The following LARP4 variants were observed in gnomAD, a reference collection of about 807,000 sequenced individuals.
LARP4 encodes la-related protein 4.
In LARP4, 29 loss-of-function variants were observed where a neutral mutation model predicts 92.9. That is an observed-to-expected ratio of 0.31 (90% CI 0.23 to 0.43). The LOEUF (loss-of-function observed/expected upper bound fraction) is 0.43. Among genes scored for constraint, LARP4 ranks in the 20% least tolerant of loss-of-function variants. The pLI, the probability that LARP4 is intolerant of heterozygous loss-of-function variation, is 1.00. For synonymous variants in LARP4, 279 were observed against 284.1 expected, an observed-to-expected ratio of 0.98 and a Z score of 0.18; for missense variants, 732 against 860.0, an observed-to-expected ratio of 0.85 and a Z score of 1.86.
chr12:50,401,663 T>A (rs1336000666), intron 1 of LARP4, among the ~76,000 whole-genome samples: 1 of 152,112 alleles, frequency 6.6e-6, no homozygotes, highest in East Asian at 1.9e-4. Flanking sequence ...TAAAAGTTAC[T>A]CAAGCAGCAG....
At position 50,479,423 on chromosome 12, in the gene LARP4, A is replaced by C. The variant is rs1027169360; in HGVS notation, c.*3559A>C. 1 of 152,136 alleles carries C rather than the reference A, an allele frequency of 6.6e-6. No individual in the cohort carries two copies. Among genetic ancestry groups the C allele is most frequent in the Non-Finnish European group, 1.5e-5 (1 of 68,020 alleles). The allele number at this position is 152,136 out of a possible 1,614,324, so 9.4% of individuals were successfully genotyped here. On this transcript the variant is annotated 3_prime_UTR_variant, in exon 16 of 16. Coordinates refer to ENST00000398473, the MANE Select transcript of LARP4 (RefSeq NM_052879.5). ...TTCCTTACAATTTTGGTGGCCATTA[A>C]TTTAACTTTAGGCTTTTGGGCATAT...
At chr12:50,459,308 A>G (rs1954899355) in intron 10 of LARP4, among the ~76,000 whole-genome samples, 1 of 151,904 alleles carries the variant, frequency 6.6e-6, no homozygotes, top group African/African-American at 2.4e-5. Context: ...TGAGGCTAGG[A>G]TTTTAATTAT....
chr12:50,442,049 CA>C (rs1016019436), intron 8 of LARP4, among the ~76,000 whole-genome samples: 2 of 152,114 alleles, frequency 1.3e-5, no homozygotes, highest in African/African-American at 4.8e-5. Context: ...GACCTTGTCT[CA>C]AAAACAACAA....
chr12:50,461,076 A>G (rs984235657), intron 10 of LARP4, 59 bp from the exon 11 acceptor site: 11 of 1,426,066 alleles, frequency 7.7e-6, no homozygotes, highest in Non-Finnish European at 9.9e-6. Context: ...TTACCTAAGG[A>G]AAGATGTTTT....
intron 10 of LARP4, among the ~76,000 whole-genome samples, chr12:50,460,047 A>G (rs1053529199): frequency 6.6e-6 from 1 of 151,976 alleles, no homozygotes; most frequent in Non-Finnish European, 1.5e-5. Flanking sequence ...AGGCAGGAGA[A>G]TCGCTTGCAT....
At chr12:50,424,515 C>T (rs560114175) in intron 1 of LARP4, among the ~76,000 whole-genome samples, 42 of 152,010 alleles carry the variant, frequency 2.8e-4, no homozygotes, top group African/African-American at 7.5e-4. Flanking sequence ...TGTACCACCA[C>T]GCCCAGCTGA....
At chr12:50,429,645 T>G (rs1010998556) in intron 3 of LARP4, among the ~76,000 whole-genome samples, 3 of 152,160 alleles carry the variant, frequency 2.0e-5, no homozygotes, top group Non-Finnish European at 2.9e-5. Flanking sequence ...TTGTTGTTTT[T>G]TTGTTGTTGT....
At chr12:50,438,491 T>TC (rs970242426) in intron 6 of LARP4, among the ~76,000 whole-genome samples, 2 of 59,852 alleles carry the variant, frequency 3.3e-5, no homozygotes, top group Non-Finnish European at 6.8e-5. Context: ...ACTCTTTGTC[T>TC]CAAAAAAAAA....
chr12:50,465,080 T>G (rs1406914170), intron 12 of LARP4, among the ~76,000 whole-genome samples: 2 of 150,348 alleles, frequency 1.3e-5, no homozygotes, highest in African/African-American at 4.9e-5. Context: ...AGGCCCTGCA[T>G]GGTGGCTCAG....
In LARP4 at chr12:50,430,900, G is replaced by A. The variant is rs528515994; in HGVS notation, c.398+330G>A. ...CAGTCTCAAACATGCAACCTCATGT[G>A]ACCTGCCCTCCTCTGCCTTGCAAAG... is the stretch of plus-strand genomic sequence containing the variant. On this transcript the variant is annotated intron_variant, in intron 4 of 15. Transcript: ENST00000398473. Among the ~76,000 whole-genome samples, 38 of 152,178 alleles carry A rather than the reference G, an allele frequency of 2.5e-4. 1 individual carries two copies. In the South Asian group the frequency reaches 7.7e-3, roughly 31 times the overall value.
At chr12:50,435,048 A>C (rs1950216186) in intron 4 of LARP4, among the ~76,000 whole-genome samples, 1 of 152,216 alleles carries the variant, frequency 6.6e-6, no homozygotes, top group Non-Finnish European at 1.5e-5. Flanking sequence ...ACTCTGTCTC[A>C]GGAAAAAAAG....
Position 50,473,477 on chromosome 12 carries a change from T to C in LARP4, c.1608T>C (p.Ser536=). 6.2e-7 allele frequency: 1 copy of C among 1,613,492 alleles called. No homozygotes were observed. The highest frequency in any genetic ancestry group is 1.1e-5 in the South Asian group (1 of 91,074). ...VPADEQTECT[S]AQQLNMSTSS... ...CAGATGAGCAGACAGAATGCACTTC[T>C]GCCCAGCAACTCAATATGAGTACCA... is the stretch of plus-strand genomic sequence containing the variant. The change falls in exon 14 of 16, where the codon TCT becomes TCC. Residue 536 remains serine (S), a synonymous_variant. Transcript: ENST00000398473.
At chr12:50,410,925 T>G (rs1365465420) in intron 1 of LARP4, among the ~76,000 whole-genome samples, 2 of 152,120 alleles carry the variant, frequency 1.3e-5, no homozygotes, top group Non-Finnish European at 2.9e-5. Flanking sequence ...CCACTGGTAC[T>G]AGAGTACCAG....
At chr12:50,439,834 G>A (rs1950946078) in intron 6 of LARP4, among the ~76,000 whole-genome samples, 1 of 151,508 alleles carries the variant, frequency 6.6e-6, no homozygotes, top group Non-Finnish European at 1.5e-5. Flanking sequence ...TTGAGTTTTG[G>A]TAGTCACCCT....
intron 13 of LARP4, among the ~76,000 whole-genome samples, chr12:50,473,189 A>G (rs1399553864): frequency 1.3e-5 from 2 of 152,092 alleles, no homozygotes; most frequent in African/African-American, 2.4e-5. Context: ...GCCACCCTCT[A>G]TGTATGAGTT....
chr12:50,468,915 G>T (rs1956537292), intron 13 of LARP4, among the ~76,000 whole-genome samples: 1 of 151,576 alleles, frequency 6.6e-6, no homozygotes, highest in East Asian at 1.9e-4. Context: ...CTCCTTTTGT[G>T]TGCACTCTCG....
rs1168343652 is a variant in LARP4 at position 50,478,622 on chromosome 12, G to A, written c.*2758G>A. 1 of 152,056 alleles carries A rather than the reference G, an allele frequency of 6.6e-6. No homozygotes were observed. Among genetic ancestry groups the A allele is most frequent in the Non-Finnish European group, 1.5e-5 (1 of 67,978 alleles). 9.4% of individuals were successfully genotyped at this position (152,056 alleles called of 1,614,324 possible). A position where few individuals can be genotyped will look rare whatever the true frequency, so the allele number is the denominator to read the frequency against. ...AGGTATAAATGATATTGAATGTTGG[G>A]TATAGTGATACTCTGCCATAGTTCT... On this transcript the variant is annotated 3_prime_UTR_variant, in exon 16 of 16. Transcript: ENST00000398473.
At chr12:50,432,504 T>C (rs768141824) in intron 4 of LARP4, among the ~76,000 whole-genome samples, 1 of 152,156 alleles carries the variant, frequency 6.6e-6, no homozygotes, top group Non-Finnish European at 1.5e-5. Context: ...GAGATTTAGA[T>C]CTCTAATACA....
Position 50,426,684 on chromosome 12 carries a change from GGTGTGTGTGT to G in LARP4, c.19-1040_19-1031del, listed in dbSNP as rs762987529. Among the ~76,000 whole-genome samples, 457 of 86,146 alleles carry G rather than the reference GGTGTGTGTGT, an allele frequency of 5.3e-3. 8 individuals carry two copies. The highest frequency in any genetic ancestry group is 0.02 in the African/African-American group (391 of 20,012). The allele number at this position is 86,146 out of a possible 152,430, so 56.5% of individuals were successfully genotyped here. A position where few individuals can be genotyped will look rare whatever the true frequency, so the allele number is the denominator to read the frequency against. On this transcript the variant is annotated intron_variant, in intron 1 of 15. Transcript: ENST00000398473. Reference sequence around the variant, plus strand: ...GCATGGAACAGGGCATTATGTTTGGGGTGTGTGTGTGTGTGTGTGTGTGTGTGTGTGTGTG... The same window carrying G: ...GCATGGAACAGGGCATTATGTTTGGGGTGTGTGTGTGTGTGTGTGTGTGTG...
Sources: gnomAD v4.1 joint callset for allele counts (sites outside exome capture counted in the v4.1 genomes callset) on GRCh38, gnomAD v4.1.1 for gene constraint, MANE v1.5 for transcripts, NCBI Gene and HGNC (gene_info 2026-07-23, HGNC 2026-07-21) for gene names.